The following GCNT2 variants were observed in gnomAD, a reference collection of about 807,000 sequenced individuals.
The protein encoded by GCNT2 is glucosaminyl (N-acetyl) transferase 2 (I blood group).
A neutral mutation model predicts 34.2 loss-of-function variants in GCNT2; 34 were observed. That is an observed-to-expected ratio of 1.00 (90% CI 0.76 to 1.32). GCNT2 has a LOEUF of 1.32. Among genes scored for constraint, GCNT2 ranks in the 40% most tolerant of loss-of-function variants. The pLI, the probability that GCNT2 is intolerant of heterozygous loss-of-function variation, is 0.00. For synonymous variants in GCNT2, 212 were observed against 188.0 expected, an observed-to-expected ratio of 1.13 and a Z score of -1.04; for missense variants, 584 against 489.4, an observed-to-expected ratio of 1.19 and a Z score of -1.82.
At chr6:10,560,497 C>G (rs1318721128) in intron 3 of GCNT2, among the ~76,000 whole-genome samples, 1 of 152,162 alleles carries the variant, frequency 6.6e-6, no homozygotes, top group Non-Finnish European at 1.5e-5. Flanking sequence ...CTGTTCATTT[C>G]TTCCCTCAAA....
chr6:10,605,672 A>T (rs1765275554), intron 3 of GCNT2, among the ~76,000 whole-genome samples: 1 of 152,172 alleles, frequency 6.6e-6, no homozygotes, highest in Admixed American at 6.5e-5. Context: ...CATGAAAGCT[A>T]GCGTCAGGGA....
intron 3 of GCNT2, among the ~76,000 whole-genome samples, chr6:10,541,933 T>C (rs1762052767): frequency 6.6e-6 from 1 of 152,196 alleles, no homozygotes; most frequent in South Asian, 2.1e-4. Flanking sequence ...GTTTGCGGTT[T>C]AATCATCTAT....
chr6:10,592,212 A>G (rs1461387697), intron 3 of GCNT2, among the ~76,000 whole-genome samples: 1 of 152,242 alleles, frequency 6.6e-6, no homozygotes, highest in Non-Finnish European at 1.5e-5. Flanking sequence ...GAGAAATTCC[A>G]CAAAACAGAT....
rs1293148208 is a variant in GCNT2 at position 10,589,197 on chromosome 6, ATGGTGTGTG to A, written c.926-32142_926-32134del. Among the ~76,000 whole-genome samples the A allele has an allele frequency of 6.7e-5, 6 of 89,026 alleles. No homozygotes were observed. In the South Asian group the frequency reaches 1.1e-3, roughly 17 times the overall value. 58.4% of individuals were successfully genotyped at this position (89,026 alleles called of 152,430 possible). On this transcript the variant is annotated intron_variant, in intron 3 of 4. Transcript: ENST00000495262. Reference sequence around the variant, plus strand: ...TGTGGTGTATGTGCGTCATGTGTGTATGGTGTGTGTGGTGTGTGTGTTTGCAGTGTATGT... The same window carrying A: ...TGTGGTGTATGTGCGTCATGTGTGTATGGTGTGTGTGTTTGCAGTGTATGT...
intron 4 of GCNT2, among the ~76,000 whole-genome samples, chr6:10,624,906 T>TA (rs1766192537): frequency 6.6e-6 from 1 of 152,210 alleles, no homozygotes; most frequent in African/African-American, 2.4e-5. Flanking sequence ...CTGTACTCAT[T>TA]GCCCCTATCT....
At chr6:10,548,893 G>A (rs747843741) in intron 3 of GCNT2, among the ~76,000 whole-genome samples, 2 of 152,066 alleles carry the variant, frequency 1.3e-5, no homozygotes, top group South Asian at 4.1e-4. Context: ...CAAGTAGCTC[G>A]GATTACAGGC....
Position 10,594,615 on chromosome 6 carries a change from G to C in GCNT2, c.926-26736G>C, listed in dbSNP as rs192784993. Among the ~76,000 whole-genome samples, 3 of 152,282 alleles carry C rather than the reference G, an allele frequency of 2.0e-5. No individual in the cohort carries two copies. The East Asian group carries it at 5.8e-4, about 29-fold the overall frequency. On this transcript the variant is annotated intron_variant, in intron 3 of 4. Transcript: ENST00000495262. ...TTTTAAAAATGGGGTAAAATGACAG[G>C]TTAGGTGTTTATCCACTTATTAATG...
intron 3 of GCNT2, among the ~76,000 whole-genome samples, chr6:10,582,853 G>A (rs917758032): frequency 6.6e-6 from 1 of 151,922 alleles, no homozygotes; most frequent in Non-Finnish European, 1.5e-5. Context: ...CATCTACCAG[G>A]TGCCCGGATT....
rs75208823 is a variant in GCNT2, at chr6:10,587,603, A to G, written c.926-33748A>G. ...GTCATAGGTTTTTATTGGACATTCC[A>G]ATTTGCAGCTTCTTGTTTTTATATA... On this transcript the variant is annotated intron_variant, in intron 3 of 4. Transcript: ENST00000495262. Among the ~76,000 whole-genome samples the G allele has an allele frequency of 9.2e-3, 1,405 of 152,290 alleles. 20 individuals carry two copies. The highest frequency in any genetic ancestry group is 0.015 in the Non-Finnish European group (1,010 of 68,018).
chr6:10,580,278 T>TGGGG (rs1561814830), intron 3 of GCNT2, among the ~76,000 whole-genome samples: 5 of 145,754 alleles, frequency 3.4e-5, no homozygotes, highest in African/African-American at 1.4e-4. Flanking sequence ...GTCAGGGGGG[T>TGGGG]GGGGAGGGAT....
intron 3 of GCNT2, among the ~76,000 whole-genome samples, chr6:10,596,689 C>G (rs1213221753): frequency 6.6e-6 from 1 of 151,558 alleles, no homozygotes; most frequent in African/African-American, 2.4e-5. Context: ...TTAAAGTTCC[C>G]TTGTTTTCAT....
At chr6:10,553,833 G>A (rs561575197) in intron 3 of GCNT2, among the ~76,000 whole-genome samples, 26 of 152,334 alleles carry the variant, frequency 1.7e-4, no homozygotes, top group Admixed American at 1.4e-3. Context: ...GGTCAAGGCC[G>A]CAGTGAGACA....
At chr6:10,586,347 C>T (rs1764344849) in intron 3 of GCNT2, 2 of 1,614,102 alleles carry the variant, frequency 1.2e-6, no homozygotes, top group Non-Finnish European at 8.5e-7. Flanking sequence ...TATCTATATG[C>T]CCCAAAATGT....
chr6:10,544,939 C>A (rs1762203518), intron 3 of GCNT2, among the ~76,000 whole-genome samples: 1 of 140,118 alleles, frequency 7.1e-6, no homozygotes, highest in South Asian at 2.2e-4. Context: ...AGCAAAAACT[C>A]TGTCTCAAAT....
rs1766321243 is a variant in GCNT2 at position 10,627,650 on chromosome 6, GTC to G, written c.*1045_*1046del. 1 of 152,066 alleles carries G rather than the reference GTC, an allele frequency of 6.6e-6. No individual in the cohort carries two copies. The highest frequency in any genetic ancestry group is 1.5e-5 in the Non-Finnish European group (1 of 68,004). 9.4% of individuals were successfully genotyped at this position (152,066 alleles called of 1,614,324 possible). On this transcript the variant is annotated 3_prime_UTR_variant, in exon 5 of 5. Transcript: ENST00000495262. ...AGCCTTCAATCAACATCTCTTGAGT[GTC>G]TATTATGTACAGGACATGTACTGAG...
intron 3 of GCNT2, chr6:10,557,419 A>C (rs1243429776): frequency 9.1e-7 from 1 of 1,101,128 alleles, no homozygotes; most frequent in African/African-American, 1.5e-5. Context: ...GCCACTTTTT[A>C]TTAGGAAGTA....
chr6:10,524,438 G>C (rs1050549682), intron 1 of GCNT2, among the ~76,000 whole-genome samples: 1 of 151,972 alleles, frequency 6.6e-6, no homozygotes, highest in Non-Finnish European at 1.5e-5. Flanking sequence ...TTTCAGTAGA[G>C]ACAGGGTTTC....
rs577464500 is a variant in GCNT2, at chr6:10,606,230, G to A, written c.926-15121G>A. On this transcript the variant is annotated intron_variant, in intron 3 of 4. Coordinates refer to ENST00000495262, the MANE Select transcript of GCNT2 (RefSeq NM_145649.5). ...CTCGGGAGGCTGAGGCAGGAGAATC[G>A]CTTGAACCCAGGAGGCAGAGGTTGC... is the stretch of plus-strand genomic sequence containing the variant. 5.8e-4 allele frequency among the ~76,000 whole-genome samples: 88 copies of A among 152,320 alleles called. 1 individual carries two copies. The highest frequency in any genetic ancestry group is 9.8e-4 in the Non-Finnish European group (67 of 68,024).
intron 3 of GCNT2, among the ~76,000 whole-genome samples, chr6:10,606,720 C>G (rs1765337270): frequency 1.4e-5 from 1 of 71,742 alleles, no homozygotes; most frequent in African/African-American, 8.8e-5. Context: ...CAGCAGTGGT[C>G]ATAAAAGTAA....
Sources: gnomAD v4.1 joint callset for allele counts (sites outside exome capture counted in the v4.1 genomes callset) on GRCh38, gnomAD v4.1.1 for gene constraint, MANE v1.5 for transcripts, NCBI Gene and HGNC (gene_info 2026-07-23, HGNC 2026-07-21) for gene names.